The following SH3D21 variants were observed in gnomAD, a reference collection of about 807,000 sequenced individuals.
The protein encoded by SH3D21 is manchette microtubule inner protein 1, also known as SH3 domain-containing protein 21.
Under a neutral mutation model 82.1 loss-of-function variants are expected in SH3D21, and 83 were observed. The observed-to-expected ratio is 1.01, with a 90% confidence interval of 0.85 to 1.21. SH3D21 has a LOEUF of 1.21. Ranked by LOEUF, SH3D21 falls within the 50% of genes most tolerant of loss-of-function variation. SH3D21 has a pLI of 0.00. For synonymous variants in SH3D21, 383 were observed against 387.8 expected (o/e 0.99, Z 0.15); for missense variants, 980 against 962.1 (o/e 1.02, Z -0.25).
downstream of SH3D21, among the ~76,000 whole-genome samples, chr1:36,323,248 C>T (rs1315766975): frequency 6.6e-6 from 1 of 152,230 alleles, no homozygotes; most frequent in East Asian, 1.9e-4. Context: ...GCGGACGCCC[C>T]TCCAGTCCTG....
Position 36,319,536 on chromosome 1 carries a change from G to T in SH3D21, c.1011G>T (p.Gln337His). Residue 337 changes from glutamine (Q) to histidine (H), a missense_variant and splice_region_variant, in exon 13 of 16, where the codon CAG (glutamine) becomes CAT (histidine). Physicochemically the swap from Gln to His is conservative, Grantham distance 24 (BLOSUM62 0). Coordinates refer to ENST00000453908, the MANE Select transcript of SH3D21 (RefSeq NM_001162530.2). ...QTPQQRSVSS[Q>H]EEEHSSPVKA... ...CCCAGCAACGCTCTGTGTCCAGTCA[G>T]GTGAGGGGCGGGAGACATGGGAGAG... is the stretch of plus-strand genomic sequence containing the variant. 2.6e-6 allele frequency: 4 copies of T among 1,551,768 alleles called. No individual in the cohort carries two copies. Among genetic ancestry groups the T allele is most frequent in the Admixed American group, 2.0e-5 (1 of 51,000 alleles).
chr1:36,308,275 G>A, intron 8 of SH3D21, 66 bp downstream of exon 8: 6 of 1,460,126 alleles, frequency 4.1e-6, no homozygotes, highest in Non-Finnish European at 5.6e-6. Flanking sequence ...ACCTGCACAT[G>A]TACCCCCTGA....
chr1:36,326,173 G>T (rs1474133490), downstream of SH3D21, among the ~76,000 whole-genome samples: 1 of 152,150 alleles, frequency 6.6e-6, no homozygotes, highest in Non-Finnish European at 1.5e-5. Flanking sequence ...GGGGAGAGTG[G>T]CAGGGGCTGC....
intron 10 of SH3D21, among the ~76,000 whole-genome samples, chr1:36,313,447 ACTT>A (rs1317759286): frequency 2.0e-5 from 3 of 152,118 alleles, no homozygotes; most frequent in Non-Finnish European, 4.4e-5. Flanking sequence ...ATTTTAAACA[ACTT>A]CTTCAATTTC....
intron 10 of SH3D21, among the ~76,000 whole-genome samples, chr1:36,310,103 C>A (rs992009524): frequency 1.3e-5 from 2 of 151,764 alleles, no homozygotes. Context: ...TACAGGCGCC[C>A]GCCACCACGC....
rs564885798 is a variant in SH3D21 at position 36,307,471 on chromosome 1, C to T, written c.346-46C>T. On this transcript the variant is annotated intron_variant, in intron 4 of 15. Transcript: ENST00000453908. This position sits in a 1 kb window ranked among gnomAD's most constrained non-coding sequence, Gnocchi z 5.4. ...CAAGGGTGGCAGATTATCCTAGGGA[C>T]TCTTGGGGCAGAACCAGACGCCTCT... 3.9e-5 allele frequency: 60 copies of T among 1,532,224 alleles called. No individual in the cohort carries two copies. The African/African-American group carries it at 8.1e-4, about 21-fold the overall frequency. The allele number at this position is 1,532,224 out of a possible 1,614,324, so 94.9% of individuals were successfully genotyped here.
intron 10 of SH3D21, 80 bp from the exon 11 acceptor site, chr1:36,318,991 T>C: frequency 1.3e-6 from 1 of 795,222 alleles, no homozygotes. Context: ...ATTAACCTCC[T>C]GCCCATAGTC....
At position 36,308,434 on chromosome 1, in the gene SH3D21, AGAG is replaced by A. The variant is rs1352371726; in HGVS notation, c.689_691del (p.Gly230del). On this transcript the variant is annotated inframe_deletion, in exon 9 of 16. Transcript: ENST00000453908. ...GTGGGAAGGAGAGTGTCAAGGACGAAGAGGAGTTTTTCCAGACAACTTTGTACT... is the reference window on the plus strand; with the variant it reads ...GTGGGAAGGAGAGTGTCAAGGACGAAGAGTTTTTCCAGACAACTTTGTACT... 2.6e-6 allele frequency: 4 copies of A among 1,551,866 alleles called. No individual in the cohort carries two copies. In the African/African-American group the frequency reaches 4.1e-5, roughly 16 times the overall value.
At chr1:36,328,137 C>T (rs1388089617), downstream of SH3D21, 7 of 456,960 alleles carry the variant, frequency 1.5e-5, no homozygotes, top group South Asian at 3.1e-5. Flanking sequence ...TTGGAAAGCA[C>T]GGAGAGTACT....
intron 10 of SH3D21, among the ~76,000 whole-genome samples, chr1:36,312,937 C>T (rs1022844001): frequency 6.6e-6 from 1 of 152,078 alleles, no homozygotes; most frequent in Non-Finnish European, 1.5e-5. Flanking sequence ...TGGTCTCGAA[C>T]TCCTGACTTT....
In SH3D21 at chr1:36,320,092, G is replaced by T. The variant is rs139303289; in HGVS notation, c.1429G>T (p.Asp477Tyr). 3.9e-5 allele frequency: 63 copies of T among 1,613,932 alleles called. No individual in the cohort carries two copies. The African/African-American group carries it at 4.0e-4, about 10-fold the overall frequency. ...VPNPKMAPLG[D>Y]EAPTLEKVLT... The stretch of plus-strand genomic sequence containing the variant: ...TAATCCAAAGATGGCCCCTCTGGGG[G>T]ATGAGGCCCCCACTCTAGAAAAGGT... Residue 477 changes from aspartate to tyrosine, a missense_variant, in exon 14 of 16, where the codon GAT becomes TAT. Coordinates refer to ENST00000453908, the MANE Select transcript of SH3D21 (RefSeq NM_001162530.2).
At chr1:36,322,599 C>G, downstream of SH3D21, 1 of 1,559,546 alleles carries the variant, frequency 6.4e-7, no homozygotes, top group Non-Finnish European at 8.6e-7. Context: ...GGGGTCCCGG[C>G]GCTGAGCCGG....
rs370304785 is a variant in SH3D21 at position 36,320,834 on chromosome 1, G to T, written c.2135+36G>T. Reference sequence around the variant, plus strand: ...AGTGGCGGGGGTTGTGGAAGGTAGGGTTCCCCCTAGCCCTCACCTGCGCAG... The same window carrying T: ...AGTGGCGGGGGTTGTGGAAGGTAGGTTTCCCCCTAGCCCTCACCTGCGCAG... On this transcript the variant is annotated intron_variant, in intron 14 of 15. Transcript: ENST00000453908. The T allele has an allele frequency of 5.8e-6, 9 of 1,549,760 alleles. No individual in the cohort carries two copies. The African/African-American group carries it at 8.2e-5, about 14-fold the overall frequency.
downstream of SH3D21, chr1:36,323,182 C>T (rs1646497655): frequency 3.6e-6 from 3 of 844,558 alleles, no homozygotes; most frequent in African/African-American, 5.5e-5. Context: ...GGAGAGAGCG[C>T]TTCCCTAACT....
At chr1:36,327,874 T>C (rs1302239886), downstream of SH3D21, 1 of 1,289,780 alleles carries the variant, frequency 7.8e-7, no homozygotes, top group Non-Finnish European at 1.0e-6. Context: ...CCCCACCCCC[T>C]GCCTAGCTGC....
chr1:36,318,930 A>ATAATAATAG (rs1405295687), intron 10 of SH3D21, 141 bp from the exon 11 acceptor site: 2 of 283,486 alleles, frequency 7.1e-6, no homozygotes, highest in Non-Finnish European at 1.3e-5. Context: ...AATAATAATA[A>ATAATAATAG]TAATAATAAT....
At chr1:36,312,934 G>A (rs1176087008) in intron 10 of SH3D21, among the ~76,000 whole-genome samples, 9 of 152,002 alleles carry the variant, frequency 5.9e-5, no homozygotes, top group African/African-American at 1.7e-4. Context: ...GGCTGGTCTC[G>A]AACTCCTGAC....
intron 13 of SH3D21, 25 bp downstream of exon 13, chr1:36,319,561 G>A (rs1432430385): frequency 6.4e-7 from 1 of 1,551,564 alleles, no homozygotes; most frequent in Non-Finnish European, 8.7e-7. Flanking sequence ...ACATGGGAGA[G>A]TGGGGATGCT....
At position 36,306,699 on chromosome 1, in the gene SH3D21, T is replaced by C. The variant is rs1052914784; in HGVS notation, c.106T>C (p.Trp36Arg). ...GGTGCGCTGGGTGCCCGCGCGGGGCTGGCTTCGCGGAGAGTTTGGGGGCCG... is the reference window on the plus strand; with the variant it reads ...GGTGCGCTGGGTGCCCGCGCGGGGCCGGCTTCGCGGAGAGTTTGGGGGCCG... ...RQVRWVPARGWLRGEFGGRYG... is the reference protein window; with the variant it reads ...RQVRWVPARGRLRGEFGGRYG... Residue 36 changes from tryptophan (W) to arginine (R), a missense_variant, in exon 2 of 16, where the codon TGG (tryptophan) becomes CGG (arginine). Transcript: ENST00000453908. The surrounding 1 kb of genome is among the most constrained non-coding windows in gnomAD (Gnocchi z 4.5). 62 of 1,294,746 alleles carry C rather than the reference T, an allele frequency of 4.8e-5. No individual in the cohort carries two copies. Among genetic ancestry groups the C allele is most frequent in the Non-Finnish European group, 6.3e-5 (62 of 987,790 alleles). 80.2% of individuals were successfully genotyped at this position (1,294,746 alleles called of 1,614,324 possible). A position where few individuals can be genotyped will look rare whatever the true frequency, so the allele number is the denominator to read the frequency against.
Sources: gnomAD v4.1 joint callset for allele counts (sites outside exome capture counted in the v4.1 genomes callset) on GRCh38, gnomAD v4.1.1 for gene constraint, Gnocchi (gnomAD v3.1) non-coding constraint, MANE v1.5 for transcripts, NCBI Gene and HGNC (gene_info 2026-07-23, HGNC 2026-07-21) for gene names.